ANKS1B: variants seen among roughly 807,000 people sequenced by gnomAD.
ANKS1B encodes ankyrin repeat and sterile alpha motif domain containing 1B, also known as ankyrin repeat and sterile alpha motif domain-containing protein 1B.
In ANKS1B, 36 loss-of-function variants were observed where a neutral mutation model predicts 148.3. The observed-to-expected ratio is 0.24, with a 90% confidence interval of 0.19 to 0.32. The LOEUF (loss-of-function observed/expected upper bound fraction) is 0.32. ANKS1B is among the 10% of genes least tolerant of loss of function. ANKS1B has a pLI of 1.00. For missense variants in ANKS1B, 1,157 were observed against 1,542.6 expected (o/e 0.75, Z 4.19); for synonymous variants, 542 against 560.8 (o/e 0.97, Z 0.47).
chr12:99,821,086 C>T (rs1348407670), intron 2 of ANKS1B, among the ~76,000 whole-genome samples: 1 of 151,890 alleles, frequency 6.6e-6, no homozygotes, highest in Non-Finnish European at 1.5e-5. Flanking sequence ...CATCATAGTG[C>T]ATAACTGAGC....
At chr12:98,901,966 C>T (rs2099772740) in intron 17 of ANKS1B, among the ~76,000 whole-genome samples, 1 of 152,094 alleles carries the variant, frequency 6.6e-6, no homozygotes, top group South Asian at 2.1e-4. Flanking sequence ...TCATACTTTG[C>T]CATGGGAAAA....
chr12:99,098,882 G>A (rs1404709642), intron 15 of ANKS1B, among the ~76,000 whole-genome samples: 1 of 141,122 alleles, frequency 7.1e-6, no homozygotes, highest in South Asian at 2.4e-4. Flanking sequence ...AATTTCTGTG[G>A]TTGCTGTTTT....
chr12:99,315,980 T>C (rs1316951221), intron 12 of ANKS1B, among the ~76,000 whole-genome samples: 1 of 152,172 alleles, frequency 6.6e-6, no homozygotes, highest in Non-Finnish European at 1.5e-5. Flanking sequence ...TTCAACCATG[T>C]CCCTACAAAG....
chr12:99,100,383 A>G (rs960721581), intron 15 of ANKS1B, among the ~76,000 whole-genome samples: 1 of 152,158 alleles, frequency 6.6e-6, no homozygotes, highest in Non-Finnish European at 1.5e-5. Flanking sequence ...CTATCATTTC[A>G]CAACATTTAC....
intron 12 of ANKS1B, among the ~76,000 whole-genome samples, chr12:99,249,198 A>T (rs2074254585): frequency 6.6e-6 from 1 of 152,186 alleles, no homozygotes; most frequent in Admixed American, 6.5e-5. Flanking sequence ...AAAAGGTCTG[A>T]ATTTGAAAGG....
intron 12 of ANKS1B, among the ~76,000 whole-genome samples, chr12:99,324,405 G>C (rs2085910000): frequency 6.6e-6 from 1 of 152,064 alleles, no homozygotes; most frequent in Non-Finnish European, 1.5e-5. Context: ...AGTCACACTT[G>C]GGAACAATGA....
At chr12:99,096,365 C>T (rs1485431502) in intron 15 of ANKS1B, among the ~76,000 whole-genome samples, 1 of 151,244 alleles carries the variant, frequency 6.6e-6, no homozygotes, top group Non-Finnish European at 1.5e-5. Context: ...CTTAAGATGT[C>T]TTCAGGAAAA....
intron 14 of ANKS1B, among the ~76,000 whole-genome samples, chr12:99,158,016 A>G (rs991077351): frequency 6.6e-6 from 1 of 152,112 alleles, no homozygotes; most frequent in Non-Finnish European, 1.5e-5. Flanking sequence ...ACAAAATGTT[A>G]TAATATATGG....
chr12:98,981,806 A>G (rs1003337315), intron 17 of ANKS1B, among the ~76,000 whole-genome samples: 1 of 152,264 alleles, frequency 6.6e-6, no homozygotes, highest in African/African-American at 2.4e-5. Flanking sequence ...CTGAGCAGTT[A>G]ATGTCAAATG....
At chr12:99,821,086 C>A (rs1348407670) in intron 2 of ANKS1B, among the ~76,000 whole-genome samples, 1 of 151,890 alleles carries the variant, frequency 6.6e-6, no homozygotes, top group African/African-American at 2.4e-5. Context: ...CATCATAGTG[C>A]ATAACTGAGC....
At chr12:98,942,634 G>A (rs895650725) in intron 17 of ANKS1B, among the ~76,000 whole-genome samples, 4 of 152,190 alleles carry the variant, frequency 2.6e-5, no homozygotes, top group Non-Finnish European at 4.4e-5. Context: ...AGCTCTATGA[G>A]GGCAAGGGCT....
chr12:99,162,466 A>AC (rs1480016936), intron 14 of ANKS1B, among the ~76,000 whole-genome samples: 1 of 152,134 alleles, frequency 6.6e-6, no homozygotes, highest in Non-Finnish European at 1.5e-5. Flanking sequence ...GGGTTGTTTA[A>AC]TATATATTGG....
chr12:99,283,040 A>G (rs949291964), intron 12 of ANKS1B, among the ~76,000 whole-genome samples: 3 of 152,192 alleles, frequency 2.0e-5, no homozygotes, highest in Non-Finnish European at 4.4e-5. Flanking sequence ...CAAAGAAAAG[A>G]GAATAAAAGG....
At chr12:99,221,417 G>A (rs150942316) in intron 14 of ANKS1B, among the ~76,000 whole-genome samples, 3,802 of 152,172 alleles carry the variant, frequency 0.025, 78 homozygotes, top group Non-Finnish European at 0.037. Context: ...AAAAACTGAG[G>A]AAAGATAATT....
At chr12:98,848,231 T>C (rs1036658891) in intron 17 of ANKS1B, among the ~76,000 whole-genome samples, 1 of 152,218 alleles carries the variant, frequency 6.6e-6, no homozygotes, top group Non-Finnish European at 1.5e-5. Flanking sequence ...ACATATGTCA[T>C]TCACACACAG....
At chr12:99,785,589 C>T (rs915243709) in intron 4 of ANKS1B, among the ~76,000 whole-genome samples, 3 of 152,034 alleles carry the variant, frequency 2.0e-5, no homozygotes, top group African/African-American at 7.2e-5. Flanking sequence ...TGCGCCACCA[C>T]GCCCAGCTAA....
intron 19 of ANKS1B, among the ~76,000 whole-genome samples, chr12:98,824,250 T>C (rs1197414783): frequency 4.6e-5 from 7 of 152,238 alleles, no homozygotes; most frequent in African/African-American, 1.7e-4. Context: ...TCGTGATATA[T>C]GCTCCTTGGC....
intron 12 of ANKS1B, among the ~76,000 whole-genome samples, chr12:99,262,106 A>G (rs1315708069): frequency 6.6e-6 from 1 of 152,168 alleles, no homozygotes; most frequent in Non-Finnish European, 1.5e-5. Context: ...CCTTCTTCAA[A>G]TATCTATTCC....
intron 12 of ANKS1B, among the ~76,000 whole-genome samples, chr12:99,377,597 A>C (rs1223234487): frequency 6.6e-6 from 1 of 152,240 alleles, no homozygotes; most frequent in African/African-American, 2.4e-5. Context: ...GCTTTTCAAA[A>C]GCAACTCCAG....
Sources: allele counts gnomAD v4.1 joint callset (sites outside exome capture counted in the v4.1 genomes callset), GRCh38; gene constraint gnomAD v4.1.1; transcripts MANE v1.5; gene names NCBI Gene and HGNC (gene_info 2026-07-23, HGNC 2026-07-21).